Variants in KIAA0825 observed in about 807,000 individuals in gnomAD.
KIAA0825 encodes KIAA0825, also known as uncharacterized protein KIAA0825.
Under a neutral mutation model 147.6 loss-of-function variants are expected in KIAA0825, and 119 were observed. The observed-to-expected ratio is 0.81, with a 90% CI of 0.69 to 0.94. The LOEUF (loss-of-function observed/expected upper bound fraction) is 0.94. Ranked by LOEUF, KIAA0825 falls within the 40% of genes least tolerant of loss-of-function variation. The pLI is 0.00. For synonymous variants in KIAA0825, 470 were observed against 518.1 expected (o/e 0.91, Z 1.26); for missense variants, 1,381 against 1,472.7 (o/e 0.94, Z 1.02).
intron 1 of KIAA0825, among the ~76,000 whole-genome samples, chr5:94,602,207 C>T (rs987732300): frequency 6.6e-6 from 1 of 152,062 alleles, no homozygotes; most frequent in Non-Finnish European, 1.5e-5. Context: ...AAAAATTAGC[C>T]AGGTGTGGTA....
At chr5:94,320,697 AGG>A (rs1562376372) in intron 20 of KIAA0825, among the ~76,000 whole-genome samples, 1 of 152,010 alleles carries the variant, frequency 6.6e-6, no homozygotes, top group Non-Finnish European at 1.5e-5. Context: ...GATCCAAACT[AGG>A]TACTCAGTGT....
chr5:94,567,213 C>T (rs1252779823), intron 2 of KIAA0825, among the ~76,000 whole-genome samples: 1 of 152,042 alleles, frequency 6.6e-6, no homozygotes, highest in Non-Finnish European at 1.5e-5. Context: ...ATTTCAATAT[C>T]CTCCCATTTG....
At chr5:94,313,928 A>G (rs758494323) in intron 20 of KIAA0825, among the ~76,000 whole-genome samples, 1 of 151,660 alleles carries the variant, frequency 6.6e-6, no homozygotes, top group Non-Finnish European at 1.5e-5. Context: ...GTCAGTATCA[A>G]TCAGTCCACG....
chr5:94,170,126 C>T (rs895693994), intron 20 of KIAA0825, among the ~76,000 whole-genome samples: 92 of 151,966 alleles, frequency 6.1e-4, no homozygotes, highest in East Asian at 1.9e-4. Context: ...GGTGAAACCC[C>T]GTCTCTACTA....
In KIAA0825 at chr5:94,520,629, G is replaced by C. The variant is rs753023728; in HGVS notation, c.589C>G (p.Gln197Glu). 14 of 1,613,258 alleles carry C rather than the reference G, an allele frequency of 8.7e-6. No homozygotes were observed. The highest frequency in any genetic ancestry group is 1.0e-5 in the Non-Finnish European group (12 of 1,179,498). ...TCTGGATAAAGAAACAAGAGTTGTT[G>C]TAAGCACTGCTTTTTCAATAAAATT... ...QKILLKKQCL[Q>E]QLLFLYPESE... Residue 197 changes from glutamine to glutamate, a missense_variant, in exon 5 of 21, where the codon CAA (glutamine) becomes GAA (glutamate). Transcript: ENST00000682413.
intron 20 of KIAA0825, among the ~76,000 whole-genome samples, chr5:94,343,959 A>T (rs1782711158): frequency 1.3e-5 from 2 of 152,200 alleles, no homozygotes; most frequent in South Asian, 2.1e-4. Flanking sequence ...TGAAAAGCAC[A>T]TTTGCACTAG....
intron 20 of KIAA0825, among the ~76,000 whole-genome samples, chr5:94,356,575 G>T (rs1407512388): frequency 6.6e-6 from 1 of 150,878 alleles, no homozygotes; most frequent in Non-Finnish European, 1.5e-5. Flanking sequence ...TGCGCCACCG[G>T]ACTCCAGCCT....
At chr5:94,328,219 C>T (rs576551549) in intron 20 of KIAA0825, among the ~76,000 whole-genome samples, 2 of 151,980 alleles carry the variant, frequency 1.3e-5, no homozygotes, top group East Asian at 1.9e-4. Context: ...ATAATTGAAT[C>T]AATTTATTAT....
chr5:94,362,505 C>T (rs1052056629), intron 20 of KIAA0825, among the ~76,000 whole-genome samples: 1 of 152,068 alleles, frequency 6.6e-6, no homozygotes, highest in Admixed American at 6.6e-5. Context: ...TAGACTACTT[C>T]TCACCTTGGC....
At chr5:94,460,152 G>A (rs958957947) in intron 12 of KIAA0825, among the ~76,000 whole-genome samples, 5 of 152,112 alleles carry the variant, frequency 3.3e-5, no homozygotes, top group Admixed American at 2.6e-4. Context: ...GGATGTGTAT[G>A]AACATGTATG....
At chr5:94,176,133 G>GGC (rs1769075779) in intron 20 of KIAA0825, among the ~76,000 whole-genome samples, 1 of 152,020 alleles carries the variant, frequency 6.6e-6, no homozygotes, top group African/African-American at 2.4e-5. Context: ...GGGTCATGGG[G>GGC]GCAGATCCCT....
intron 6 of KIAA0825, among the ~76,000 whole-genome samples, chr5:94,478,075 C>CT (rs1470343829): frequency 1.3e-5 from 2 of 152,134 alleles, no homozygotes; most frequent in East Asian, 3.9e-4. Context: ...ATCTAACTGT[C>CT]TTTATCAGTA....
chr5:94,523,600 G>A (rs1364310723), intron 4 of KIAA0825, among the ~76,000 whole-genome samples: 1 of 151,408 alleles, frequency 6.6e-6, no homozygotes, highest in East Asian at 1.9e-4. Flanking sequence ...AAAACATAAT[G>A]AATATGAACT....
At chr5:94,516,808 AAAG>A (rs1767337462) in intron 5 of KIAA0825, among the ~76,000 whole-genome samples, 1 of 150,156 alleles carries the variant, frequency 6.7e-6, no homozygotes, top group Admixed American at 6.6e-5. Context: ...AAAAAAAAGA[AAAG>A]AAAACGTGGC....
At chr5:94,541,626 G>C (rs559006156) in intron 2 of KIAA0825, among the ~76,000 whole-genome samples, 44 of 152,312 alleles carry the variant, frequency 2.9e-4, no homozygotes, top group African/African-American at 1.1e-3. Context: ...AGTACAACAG[G>C]TTTTCCTTAG....
chr5:94,589,022 G>C (rs147695499), intron 1 of KIAA0825, among the ~76,000 whole-genome samples: 7 of 152,154 alleles, frequency 4.6e-5, no homozygotes, highest in African/African-American at 1.4e-4. Flanking sequence ...GCCTGTTGGC[G>C]GGTGGAGGGC....
chr5:94,428,216 G>C (rs1156946417), intron 14 of KIAA0825, among the ~76,000 whole-genome samples: 1 of 149,382 alleles, frequency 6.7e-6, no homozygotes, highest in Non-Finnish European at 1.5e-5. Flanking sequence ...TTGTTACTCT[G>C]TGCATTTTAA....
chr5:94,549,436 G>C (rs1159003836), intron 2 of KIAA0825, among the ~76,000 whole-genome samples: 1 of 152,196 alleles, frequency 6.6e-6, no homozygotes, highest in African/African-American at 2.4e-5. Flanking sequence ...ATGGGAGCTG[G>C]CGCGGTGGCT....
chr5:94,342,252 A>T (rs971768617), intron 20 of KIAA0825, among the ~76,000 whole-genome samples: 8 of 152,030 alleles, frequency 5.3e-5, no homozygotes, highest in African/African-American at 1.4e-4. Flanking sequence ...ACTAAAAAAA[A>T]TTTTTTTAGT....
Sources: gnomAD v4.1 joint callset for allele counts (sites outside exome capture counted in the v4.1 genomes callset) on GRCh38, gnomAD v4.1.1 for gene constraint, MANE v1.5 for transcripts, NCBI Gene and HGNC (gene_info 2026-07-23, HGNC 2026-07-21) for gene names.